PIP5K1B: variants seen among roughly 807,000 people sequenced by gnomAD.
The protein encoded by PIP5K1B is phosphatidylinositol 4-phosphate 5-kinase type-1 beta.
Under a neutral mutation model 67.0 loss-of-function variants are expected in PIP5K1B, and 42 were observed. The observed-to-expected ratio is 0.63, with a 90% CI of 0.49 to 0.81. The LOEUF is 0.81. Among genes scored for constraint, PIP5K1B ranks in the 30% least tolerant of loss-of-function variants. The pLI is 0.00. For synonymous variants in PIP5K1B, 214 were observed against 231.4 expected, an observed-to-expected ratio of 0.92 and a Z score of 0.68; for missense variants, 459 against 646.3, an observed-to-expected ratio of 0.71 and a Z score of 3.14.
chr9:68,935,587 A>G (rs1030641090), intron 13 of PIP5K1B, among the ~76,000 whole-genome samples: 8 of 152,248 alleles, frequency 5.3e-5, no homozygotes, highest in Non-Finnish European at 1.2e-4. Context: ...CTAATTCAAA[A>G]AGAAAAATGT....
chr9:68,919,223 C>T (rs773224397), intron 9 of PIP5K1B, among the ~76,000 whole-genome samples: 2 of 152,060 alleles, frequency 1.3e-5, no homozygotes, highest in African/African-American at 2.4e-5. Flanking sequence ...CAACTCTTCA[C>T]GGTTAGCAGC....
chr9:68,906,200 G>A (rs1442225731), intron 8 of PIP5K1B, among the ~76,000 whole-genome samples: 1 of 151,914 alleles, frequency 6.6e-6, no homozygotes, highest in Non-Finnish European at 1.5e-5. Flanking sequence ...TGTATTTTTT[G>A]TAGAGAAAGG....
At chr9:69,007,817 A>C (rs1166896574) in intron 15 of PIP5K1B, among the ~76,000 whole-genome samples, 1 of 151,986 alleles carries the variant, frequency 6.6e-6, no homozygotes, top group Non-Finnish European at 1.5e-5. Flanking sequence ...AGATCTTGCC[A>C]CTGCACTCCA....
At chr9:68,937,253 G>T (rs1827312332) in intron 13 of PIP5K1B, among the ~76,000 whole-genome samples, 1 of 152,164 alleles carries the variant, frequency 6.6e-6, no homozygotes, top group African/African-American at 2.4e-5. Flanking sequence ...ACTTTTTCTG[G>T]TTGGTAGCCT....
intron 14 of PIP5K1B, among the ~76,000 whole-genome samples, chr9:68,971,320 A>C (rs933308254): frequency 2.6e-5 from 4 of 152,202 alleles, no homozygotes; most frequent in African/African-American, 9.7e-5. Flanking sequence ...CAAAGGACAT[A>C]AACTCACTCT....
At chr9:68,999,892 T>A (rs1256644111) in intron 15 of PIP5K1B, among the ~76,000 whole-genome samples, 1 of 152,200 alleles carries the variant, frequency 6.6e-6, no homozygotes, top group Admixed American at 6.5e-5. Flanking sequence ...AGTGTGTGTC[T>A]CAATGGAGTT....
rs777818994 is a variant in PIP5K1B at position 68,847,413 on chromosome 9, T to TTGTGTGTGTGTGTGTG, written c.70-16388_70-16373dup. 5.0e-3 allele frequency among the ~76,000 whole-genome samples: 508 copies of TTGTGTGTGTGTGTGTG among 101,620 alleles called. 22 individuals carry two copies. Among genetic ancestry groups the TTGTGTGTGTGTGTGTG allele is most frequent in the East Asian group, 0.017 (53 of 3,170 alleles). 66.7% of individuals were successfully genotyped at this position (101,620 alleles called of 152,430 possible). A position where few individuals can be genotyped will look rare whatever the true frequency, so the allele number is the denominator to read the frequency against. ...TAAATCAGCAACAACAGCAGTGGTT[T>TTGTGTGTGTGTGTGTG]TGTGTGTGTGTGTGTGTGTGTGTGT... is the stretch of plus-strand genomic sequence containing the variant. On this transcript the variant is annotated intron_variant, in intron 4 of 15. Transcript: ENST00000265382.
At chr9:68,965,557 C>T (rs778525204) in intron 14 of PIP5K1B, 1 of 152,212 alleles carries the variant, frequency 6.6e-6, no homozygotes, top group Non-Finnish European at 1.5e-5. Flanking sequence ...TCTGAATTAA[C>T]TGTAAAGTGA....
rs192997293 is a variant in PIP5K1B at position 68,978,666 on chromosome 9, G to A, written c.1503-12474G>A. ...ATTTGAATGGATGATTGGTAGTTTT[G>A]TAGGGAGAAAAGCAGATACTGTTTA... On this transcript the variant is annotated intron_variant, in intron 14 of 15. Coordinates refer to ENST00000265382, the MANE Select transcript of PIP5K1B (RefSeq NM_003558.4). Among the ~76,000 whole-genome samples the A allele has an allele frequency of 2.0e-5, 3 of 152,306 alleles. No individual in the cohort carries two copies. The East Asian group carries it at 5.8e-4, about 29-fold the overall frequency.
intron 2 of PIP5K1B, among the ~76,000 whole-genome samples, chr9:68,779,274 T>G (rs1831088345): frequency 6.6e-6 from 1 of 152,230 alleles, no homozygotes; most frequent in South Asian, 2.1e-4. Context: ...TCCTTCATAC[T>G]TCACACATAT....
intron 8 of PIP5K1B, among the ~76,000 whole-genome samples, chr9:68,902,152 G>T (rs1825396938): frequency 6.6e-6 from 1 of 152,116 alleles, no homozygotes; most frequent in Non-Finnish European, 1.5e-5. Flanking sequence ...GGTGGGGGAG[G>T]TTCTGTGCAA....
At chr9:68,926,719 G>A (rs1006414258) in intron 12 of PIP5K1B, among the ~76,000 whole-genome samples, 2 of 152,026 alleles carry the variant, frequency 1.3e-5, no homozygotes, top group African/African-American at 4.8e-5. Flanking sequence ...TTACAGGCAT[G>A]AGCCACCACA....
intron 1 of PIP5K1B, among the ~76,000 whole-genome samples, chr9:68,710,756 G>T (rs975204079): frequency 2.6e-5 from 4 of 152,224 alleles, no homozygotes; most frequent in Non-Finnish European, 5.9e-5. Flanking sequence ...AACATGAAGT[G>T]TGTGTTCTTG....
chr9:68,706,465 C>G (rs911853984), intron 1 of PIP5K1B, among the ~76,000 whole-genome samples: 1 of 152,134 alleles, frequency 6.6e-6, no homozygotes, highest in Non-Finnish European at 1.5e-5. Context: ...TTTCTTATCC[C>G]CCCCAACCCC....
At chr9:68,981,286 A>G (rs1389495357) in intron 14 of PIP5K1B, among the ~76,000 whole-genome samples, 1 of 152,218 alleles carries the variant, frequency 6.6e-6, no homozygotes, top group East Asian at 1.9e-4. Flanking sequence ...AAAATAAAAT[A>G]TAAATAGCAA....
At chr9:68,719,787 A>C (rs1318809730) in intron 1 of PIP5K1B, among the ~76,000 whole-genome samples, 1 of 151,972 alleles carries the variant, frequency 6.6e-6, no homozygotes, top group Non-Finnish European at 1.5e-5. Context: ...TTTCTCAGAA[A>C]CTCCCTCTCC....
At chr9:68,747,098 T>C (rs1000054741) in intron 2 of PIP5K1B, among the ~76,000 whole-genome samples, 4 of 151,790 alleles carry the variant, frequency 2.6e-5, no homozygotes, top group African/African-American at 7.3e-5. Flanking sequence ...GCCTACTCCA[T>C]AGACAGTCCT....
chr9:68,779,378 C>A (rs1831095096), intron 2 of PIP5K1B, among the ~76,000 whole-genome samples: 1 of 152,150 alleles, frequency 6.6e-6, no homozygotes, highest in African/African-American at 2.4e-5. Flanking sequence ...ATTTACTTTT[C>A]TCTCCATCTC....
chr9:68,820,234 A>G (rs111814377), intron 3 of PIP5K1B, among the ~76,000 whole-genome samples: 11 of 152,180 alleles, frequency 7.2e-5, no homozygotes, highest in African/African-American at 2.2e-4. Context: ...TGATACATAA[A>G]CCATTTTAAT....
Sources: gnomAD v4.1 joint callset for allele counts (sites outside exome capture counted in the v4.1 genomes callset) on GRCh38, gnomAD v4.1.1 for gene constraint, MANE v1.5 for transcripts, NCBI Gene and HGNC (gene_info 2026-07-23, HGNC 2026-07-21) for gene names.